ERCC6L2: variants seen among roughly 807,000 people sequenced by gnomAD.
The protein encoded by ERCC6L2 is DNA excision repair protein ERCC-6-like 2.
ERCC6L2 carries 77 observed loss-of-function variants against 132.0 expected under a neutral mutation model. That is an observed-to-expected ratio of 0.58 (90% CI 0.49 to 0.71). The LOEUF (loss-of-function observed/expected upper bound fraction) is 0.71. ERCC6L2 is among the 30% of genes least tolerant of loss of function. The probability of loss-of-function intolerance (pLI) is 0.00; values close to 1 mark genes in which losing one functional copy is unlikely to be tolerated. For missense variants in ERCC6L2, 1,542 were observed against 1,837.6 expected, an observed-to-expected ratio of 0.84 and a Z score of 2.94; for synonymous variants, 583 against 632.4, an observed-to-expected ratio of 0.92 and a Z score of 1.17.
At chr9:95,931,746 C>G (rs1830348227) in intron 11 of ERCC6L2, among the ~76,000 whole-genome samples, 2 of 152,152 alleles carry the variant, frequency 1.3e-5, no homozygotes, top group Admixed American at 1.3e-4. Context: ...TCTTCATCTA[C>G]ACTATTCTAA....
At chr9:95,957,701 G>A (rs922482708) in intron 13 of ERCC6L2, among the ~76,000 whole-genome samples, 4 of 151,748 alleles carry the variant, frequency 2.6e-5, no homozygotes, top group African/African-American at 9.7e-5. Context: ...CAGAAGATGA[G>A]GTAATTTAAG....
At chr9:96,002,117 C>A (rs978244837) in intron 17 of ERCC6L2, among the ~76,000 whole-genome samples, 5 of 152,228 alleles carry the variant, frequency 3.3e-5, no homozygotes, top group Non-Finnish European at 4.4e-5. Flanking sequence ...CACCTCCCTG[C>A]AAGCTGAGGG....
At chr9:95,957,887 T>TA (rs1564261933) in intron 13 of ERCC6L2, among the ~76,000 whole-genome samples, 1 of 151,848 alleles carries the variant, frequency 6.6e-6, no homozygotes, top group Non-Finnish European at 1.5e-5. Context: ...TTTTTTTTTT[T>TA]AAATTATACT....
chr9:95,952,098 T>G (rs1262293807), intron 12 of ERCC6L2, among the ~76,000 whole-genome samples: 1 of 131,390 alleles, frequency 7.6e-6, no homozygotes, highest in Non-Finnish European at 1.5e-5. Flanking sequence ...AACGAGGGAG[T>G]TGGAGGTTGC....
intron 2 of ERCC6L2, among the ~76,000 whole-genome samples, chr9:95,888,486 A>G (rs1827993008): frequency 6.6e-6 from 1 of 152,232 alleles, no homozygotes; most frequent in South Asian, 2.1e-4. Context: ...CAATTTTAGA[A>G]CTATTCCACA....
intron 2 of ERCC6L2, among the ~76,000 whole-genome samples, chr9:95,895,095 T>C (rs1828381954): frequency 6.6e-6 from 1 of 152,228 alleles, no homozygotes; most frequent in Admixed American, 6.5e-5. Context: ...ATTTGTCTAC[T>C]TTTATTTCAA....
intron 3 of ERCC6L2, among the ~76,000 whole-genome samples, chr9:95,901,718 A>C (rs1299914308): frequency 2.0e-5 from 3 of 152,200 alleles, no homozygotes; most frequent in Non-Finnish European, 4.4e-5. Context: ...GCATTCTGCC[A>C]CTATTATGGA....
At chr9:96,033,394 G>A (rs1363691020) in intron 19 of ERCC6L2, among the ~76,000 whole-genome samples, 2 of 152,066 alleles carry the variant, frequency 1.3e-5, no homozygotes, top group African/African-American at 4.8e-5. Context: ...ACAGGCACGC[G>A]CCACCATGCC....
rs556895271 is a variant in ERCC6L2 at position 95,924,028 on chromosome 9, C to G, written c.1533+649C>G. On this transcript the variant is annotated intron_variant, in intron 9 of 18. Coordinates refer to ENST00000653738, the MANE Select transcript of ERCC6L2 (RefSeq NM_020207.7). Reference sequence around the variant, plus strand: ...CAGCAGCATGAAATGCTGACAGCTTCCTGCCTCCTTGCAACAACAGAGTTT... The same window carrying G: ...CAGCAGCATGAAATGCTGACAGCTTGCTGCCTCCTTGCAACAACAGAGTTT... Among the ~76,000 whole-genome samples, 4 of 152,320 alleles carry G rather than the reference C, an allele frequency of 2.6e-5. No homozygotes were observed. In the South Asian group the frequency reaches 6.2e-4, roughly 24 times the overall value.
At chr9:95,895,980 C>T (rs1291154890) in intron 2 of ERCC6L2, among the ~76,000 whole-genome samples, 1 of 152,208 alleles carries the variant, frequency 6.6e-6, no homozygotes, top group Admixed American at 6.5e-5. Context: ...CCCACCTTGG[C>T]CTCCCAAAGT....
At chr9:96,035,337 G>A (rs865916196) in intron 19 of ERCC6L2, among the ~76,000 whole-genome samples, 7 of 152,244 alleles carry the variant, frequency 4.6e-5, no homozygotes, top group Middle Eastern at 3.4e-3. Context: ...TGCCTCTTCC[G>A]AGCCCGCCCC....
Position 95,922,428 on chromosome 9 carries a change from G to A in ERCC6L2, c.1413+10G>A. The A allele has an allele frequency of 6.7e-7, 1 of 1,498,076 alleles. No individual in the cohort carries two copies. The highest frequency in any genetic ancestry group is 9.3e-7 in the Non-Finnish European group (1 of 1,077,754). 92.8% of individuals were successfully genotyped at this position (1,498,076 alleles called of 1,614,324 possible). On this transcript the variant is annotated intron_variant, in intron 8 of 18. Coordinates refer to ENST00000653738, the MANE Select transcript of ERCC6L2 (RefSeq NM_020207.7). Reference sequence around the variant, plus strand: ...TACTTCCAAACAACAGGTTTGGTTAGCATTTTACATTTCTTTGTGATGCTA... The same window carrying A: ...TACTTCCAAACAACAGGTTTGGTTAACATTTTACATTTCTTTGTGATGCTA...
chr9:95,931,534 G>T (rs73656587), intron 11 of ERCC6L2, among the ~76,000 whole-genome samples: 1 of 152,132 alleles, frequency 6.6e-6, no homozygotes, highest in Non-Finnish European at 1.5e-5. Flanking sequence ...TAAATTTTCT[G>T]CATCTGTAAA....
chr9:96,007,063 G>C (rs1833886766), intron 18 of ERCC6L2, among the ~76,000 whole-genome samples: 1 of 152,212 alleles, frequency 6.6e-6, no homozygotes, highest in South Asian at 2.1e-4. Context: ...AAGAATGTTT[G>C]TAAAGGAGTG....
intron 18 of ERCC6L2, among the ~76,000 whole-genome samples, chr9:96,011,210 G>A (rs1564302894): frequency 6.6e-6 from 1 of 152,216 alleles, no homozygotes; most frequent in African/African-American, 2.4e-5. Flanking sequence ...AGTTTCTGGT[G>A]AGGGCCCTCT....
At chr9:96,039,444 G>A (rs1834553787) in intron 20 of ERCC6L2, among the ~76,000 whole-genome samples, 1 of 152,130 alleles carries the variant, frequency 6.6e-6, no homozygotes, top group Admixed American at 6.5e-5. Flanking sequence ...TTGAGAGAAC[G>A]TTTCTGGGTG....
intron 17 of ERCC6L2, among the ~76,000 whole-genome samples, chr9:95,982,111 G>A (rs1431333545): frequency 6.6e-6 from 1 of 152,114 alleles, no homozygotes; most frequent in African/African-American, 2.4e-5. Flanking sequence ...GAGAAATAAC[G>A]GGTCGCTTTG....
At chr9:95,912,081 T>A (rs1292517353) in intron 4 of ERCC6L2, among the ~76,000 whole-genome samples, 1 of 152,160 alleles carries the variant, frequency 6.6e-6, no homozygotes, top group Non-Finnish European at 1.5e-5. Context: ...TATTGAACAT[T>A]TACATGACTC....
intron 19 of ERCC6L2, chr9:96,027,971 C>G (rs1834405088): frequency 6.6e-6 from 1 of 152,252 alleles, no homozygotes; most frequent in Admixed American, 6.5e-5. Context: ...GACTCTAACT[C>G]TGCCCTGGAT....
Sources: allele counts gnomAD v4.1 joint callset (sites outside exome capture counted in the v4.1 genomes callset), GRCh38; gene constraint gnomAD v4.1.1; transcripts MANE v1.5; gene names NCBI Gene and HGNC (gene_info 2026-07-23, HGNC 2026-07-21).